Variants in CUL7 observed in about 807,000 individuals in gnomAD.
CUL7 encodes the protein cullin-7.
In CUL7, 96 loss-of-function variants were observed where a neutral mutation model predicts 177.7. The ratio of observed to expected loss-of-function variants is 0.54; its 90% CI spans 0.46 to 0.64. The LOEUF is 0.64. Among genes scored for constraint, CUL7 ranks in the 30% least tolerant of loss-of-function variants. The pLI is 0.00. For missense variants in CUL7, 1,893 were observed against 2,187.9 expected, an observed-to-expected ratio of 0.87 and a Z score of 2.69; for synonymous variants, 824 against 890.2, an observed-to-expected ratio of 0.93 and a Z score of 1.32.
rs775277088 is a variant in CUL7, at chr6:43,046,524, T to A, written c.2475A>T (p.Arg825Ser). The change falls in exon 11 of 26, where the codon AGA (arginine) becomes AGT (serine). Residue 825 changes from arginine (R) to serine (S), a missense_variant. Arg to Ser is a moderately radical substitution (Grantham distance 110). Around this residue, in one of 5 missense-constraint regions of CUL7, gnomAD observed 973 missense variants for 1,140.9 expected, o/e 0.85. Coordinates refer to ENST00000265348, the MANE Select transcript of CUL7 (RefSeq NM_014780.5). ...ACAGGCACGAACCCTGGCACAGGTA[T>A]CTGAGGAACACATCAAAGAAAGGGA... ...INIPFFDVFL[R>S]YLCQGSSVEV... 2.2e-5 allele frequency: 36 copies of A among 1,613,958 alleles called. No homozygotes were observed. Among genetic ancestry groups the A allele is most frequent in the Non-Finnish European group, 3.0e-5 (35 of 1,179,852 alleles).
chr6:43,044,800 A>T lies in CUL7; in HGVS notation c.3124T>A (p.Cys1042Ser). ...ACGGGGCTGACCAGGGCCTCCCAGCAGGTCTTGCCCAGAGCTTGGGCAGCC... is the reference window on the plus strand; with the variant it reads ...ACGGGGCTGACCAGGGCCTCCCAGCTGGTCTTGCCCAGAGCTTGGGCAGCC... ...DEAAQALGKT[C>S]WEALVSPVVQ... is the part of the protein sequence containing the mutation. Residue 1042 changes from cysteine (C) to serine (S), a missense_variant, in exon 16 of 26, where the codon TGC becomes AGC. Around this residue, in one of 5 missense-constraint regions of CUL7, gnomAD observed 973 missense variants for 1,140.9 expected, o/e 0.85. Coordinates refer to ENST00000265348, the MANE Select transcript of CUL7 (RefSeq NM_014780.5). The T allele has an allele frequency of 6.2e-7, 1 of 1,613,706 alleles. No individual in the cohort carries two copies. Among genetic ancestry groups the T allele is most frequent in the Non-Finnish European group, 8.5e-7 (1 of 1,179,622 alleles).
At chr6:43,049,934 AC>A in intron 6 of CUL7, 28 bp downstream of exon 6, 1 of 1,601,078 alleles carries the variant, frequency 6.2e-7, no homozygotes, top group East Asian at 2.2e-5. Context: ...GAGCCCTCCA[AC>A]CTCTGAGTGT....
In CUL7 at chr6:43,040,692, G is replaced by A. The variant is rs745678508; in HGVS notation, c.3861C>T (p.Ala1287=). ...AGCAGGGACCGATCTGCTCCAGCAC[G>A]GCCCCCTCCAGCCAGCTCGAGACCA... ...LGVVSSWLEG[A]VLEQIGPCFP... is the part of the protein sequence containing the mutation. The change falls in exon 21 of 26, where the codon GCC becomes GCT. Residue 1287 remains alanine (A), a synonymous_variant. Transcript: ENST00000265348. The surrounding 1 kb of genome is among the most constrained non-coding windows in gnomAD (Gnocchi z 4.2). 9.9e-6 allele frequency: 16 copies of A among 1,614,044 alleles called. No individual in the cohort carries two copies. The highest frequency in any genetic ancestry group is 6.7e-5 in the African/African-American group (5 of 74,934).
In CUL7 at chr6:43,052,828, G is replaced by T; in HGVS notation, c.-8-32C>A. The T allele has an allele frequency of 6.3e-7, 1 of 1,590,140 alleles. No individual in the cohort carries two copies. The highest frequency in any genetic ancestry group is 8.5e-7 in the Non-Finnish European group (1 of 1,173,808). ...CACACAAGGAAAAGAGAACAGACAA[G>T]CTAGAGGAAGGAGAGGTCAGAAAAT... On this transcript the variant is annotated intron_variant, in intron 1 of 25. Coordinates refer to ENST00000265348, the MANE Select transcript of CUL7 (RefSeq NM_014780.5). The surrounding 1 kb of genome is among the most constrained non-coding windows in gnomAD (Gnocchi z 4.5).
rs1393985637 is a variant in CUL7 at position 43,053,669 on chromosome 6, C to CAAG, written c.-59_-57dup. The CAAG allele has an allele frequency of 7.1e-7, 1 of 1,407,936 alleles. No individual in the cohort carries two copies. Among genetic ancestry groups the CAAG allele is most frequent in the African/African-American group, 1.5e-5 (1 of 66,284 alleles). The allele number at this position is 1,407,936 out of a possible 1,614,324, so 87.2% of individuals were successfully genotyped here. ...GGCGCGAGGCCTGTCCTTCACAGAG[C>CAAG]AAGGGACGCGGCACAGACGCTGGCG... On this transcript the variant is annotated 5_prime_UTR_variant, in exon 1 of 26. Coordinates refer to ENST00000265348, the MANE Select transcript of CUL7 (RefSeq NM_014780.5). The surrounding 1 kb of genome is among the most constrained non-coding windows in gnomAD (Gnocchi z 4.1).
At position 43,053,038 on chromosome 6, in the gene CUL7, G is replaced by A. The variant is rs950885004; in HGVS notation, c.-8-242C>T. Among the ~76,000 whole-genome samples, 2 of 152,174 alleles carry A rather than the reference G, an allele frequency of 1.3e-5. No individual in the cohort carries two copies. Among genetic ancestry groups the A allele is most frequent in the African/African-American group, 4.8e-5 (2 of 41,426 alleles). The stretch of plus-strand genomic sequence containing the variant: ...AAAGGAAGGTCCCCAAGACCCTGTG[G>A]CCTGGAGTGGGTTGATATGGAACAG... On this transcript the variant is annotated intron_variant, in intron 1 of 25. Coordinates refer to ENST00000265348, the MANE Select transcript of CUL7 (RefSeq NM_014780.5). The surrounding 1 kb of genome is among the most constrained non-coding windows in gnomAD (Gnocchi z 4.1).
In CUL7 at chr6:43,052,801, A is replaced by C; in HGVS notation, c.-8-5T>G. ...GTTCTCCCACCATCCTGGCACCTGGAGCACACAAGGAAAAGAGAACAGACA... is the reference window on the plus strand; with the variant it reads ...GTTCTCCCACCATCCTGGCACCTGGCGCACACAAGGAAAAGAGAACAGACA... On this transcript the variant is annotated splice_polypyrimidine_tract_variant and splice_region_variant and intron_variant, in intron 1 of 25. Coordinates refer to ENST00000265348, the MANE Select transcript of CUL7 (RefSeq NM_014780.5). This position sits in a 1 kb window ranked among gnomAD's most constrained non-coding sequence, Gnocchi z 4.5. 2 of 1,601,510 alleles carry C rather than the reference A, an allele frequency of 1.2e-6. No individual in the cohort carries two copies. The highest frequency in any genetic ancestry group is 1.7e-6 in the Non-Finnish European group (2 of 1,179,720).
Position 43,043,222 on chromosome 6 carries a change from C to T in CUL7, c.3356-42G>A. On this transcript the variant is annotated intron_variant, in intron 17 of 25. Coordinates refer to ENST00000265348, the MANE Select transcript of CUL7 (RefSeq NM_014780.5). This position sits in a 1 kb window ranked among gnomAD's most constrained non-coding sequence, Gnocchi z 4.2. ...AGTGGCAGAGGCAAGGAGGGTGCAG[C>T]CCCTCCACTCCCAAGTCCCCATCCA... is the stretch of plus-strand genomic sequence containing the variant. The T allele has an allele frequency of 6.7e-7, 1 of 1,492,234 alleles. No individual in the cohort carries two copies. Among genetic ancestry groups the T allele is most frequent in the Non-Finnish European group, 9.3e-7 (1 of 1,073,700 alleles). The allele number at this position is 1,492,234 out of a possible 1,614,324, so 92.4% of individuals were successfully genotyped here. A position where few individuals can be genotyped will look rare whatever the true frequency, so the allele number is the denominator to read the frequency against.
At chr6:43,047,488 C>T (rs1764017977) in intron 9 of CUL7, among the ~76,000 whole-genome samples, 1 of 152,128 alleles carries the variant, frequency 6.6e-6, no homozygotes, top group Non-Finnish European at 1.5e-5. Flanking sequence ...AAGGGGCTGA[C>T]AGGGACTGGG....
chr6:43,050,512 A>G lies in CUL7; in HGVS notation c.1234-114T>C, dbSNP rs890581637. On this transcript the variant is annotated intron_variant, in intron 4 of 25. Transcript: ENST00000265348. The surrounding 1 kb of genome is among the most constrained non-coding windows in gnomAD (Gnocchi z 4.1). ...GGTGACCACCTGGCCAGGTTTTAGA[A>G]AAACCTCCACATAACAAAACAGCAG... 2 of 1,050,922 alleles carry G rather than the reference A, an allele frequency of 1.9e-6. No individual in the cohort carries two copies. Among genetic ancestry groups the G allele is most frequent in the Admixed American group, 3.9e-5 (2 of 51,666 alleles). The allele number at this position is 1,050,922 out of a possible 1,614,324, so 65.1% of individuals were successfully genotyped here. A position where few individuals can be genotyped will look rare whatever the true frequency, so the allele number is the denominator to read the frequency against.
Position 43,051,745 on chromosome 6 carries a change from A to G in CUL7, c.599T>C (p.Leu200Pro). 6.2e-7 allele frequency: 1 copy of G among 1,614,182 alleles called. No individual in the cohort carries two copies. The highest frequency in any genetic ancestry group is 8.5e-7 in the Non-Finnish European group (1 of 1,180,026). The change falls in exon 3 of 26, where the codon CTT becomes CCT. Residue 200 changes from leucine (L) to proline (P), a missense_variant. By Grantham distance (98) the Leu-to-Pro change is moderately conservative. Around this residue, in one of 5 missense-constraint regions of CUL7, gnomAD observed 653 missense variants for 725.2 expected, o/e 0.90. Transcript: ENST00000265348. This position sits in a 1 kb window ranked among gnomAD's most constrained non-coding sequence, Gnocchi z 5.0. ...SHDAGTRTQILLSLSQQEAIE... is the reference protein window; with the variant it reads ...SHDAGTRTQIPLSLSQQEAIE... ...GGCTTCTTGTTGGCTCAGTGACAGA[A>G]GGATCTGAGTCCGGGTCCCTGTAAC...
In CUL7 at chr6:43,052,100, A is replaced by C; in HGVS notation, c.580+109T>G. On this transcript the variant is annotated intron_variant, in intron 2 of 25. Coordinates refer to ENST00000265348, the MANE Select transcript of CUL7 (RefSeq NM_014780.5). This position sits in a 1 kb window ranked among gnomAD's most constrained non-coding sequence, Gnocchi z 4.5. ...CCAACTCTAAGAGAAGGGCAACAGA[A>C]TCATTTACGTACTGATGAGATCAGA... 6.5e-7 allele frequency: 1 copy of C among 1,542,826 alleles called. No homozygotes were observed. The highest frequency in any genetic ancestry group is 8.8e-7 in the Non-Finnish European group (1 of 1,142,400).
Position 43,052,637 on chromosome 6 carries a change from C to T in CUL7, c.152G>A (p.Gly51Glu). Reference protein sequence around the residue: ...RWLILRRGDEGDGGSGQVDCK... With the variant: ...RWLILRRGDEEDGGSGQVDCK... ...GTCCACTTGGCCAGAGCCCCCGTCC[C>T]CCTCATCGCCACGCCGCAGGATGAG... is the stretch of plus-strand genomic sequence containing the variant. The change falls in exon 2 of 26, where the codon GGG becomes GAG. Residue 51 changes from glycine (G) to glutamate (E), a missense_variant. Coordinates refer to ENST00000265348, the MANE Select transcript of CUL7 (RefSeq NM_014780.5). The surrounding 1 kb of genome is among the most constrained non-coding windows in gnomAD (Gnocchi z 4.5). The T allele has an allele frequency of 6.2e-7, 1 of 1,614,234 alleles. No individual in the cohort carries two copies. The highest frequency in any genetic ancestry group is 8.5e-7 in the Non-Finnish European group (1 of 1,180,054).
intron 7 of CUL7, among the ~76,000 whole-genome samples, chr6:43,048,930 T>A (rs1764167070): frequency 6.6e-6 from 1 of 151,642 alleles, no homozygotes; most frequent in Non-Finnish European, 1.5e-5. Context: ...CACGCCCGGC[T>A]AATTTTTTTT....
At chr6:43,039,952 CTGGTCT>C (rs1376338141) in intron 22 of CUL7, among the ~76,000 whole-genome samples, 198 bp downstream of exon 22, 1 of 152,084 alleles carries the variant, frequency 6.6e-6, no homozygotes, top group Non-Finnish European at 1.5e-5. Flanking sequence ...TTGGCCAAGG[CTGGTCT>C]TGAACTCCTG....
In CUL7 at chr6:43,038,571, G is replaced by C. The variant is rs920638179; in HGVS notation, c.4562C>G (p.Pro1521Arg). 3.7e-6 allele frequency: 6 copies of C among 1,614,032 alleles called. No homozygotes were observed. In the Admixed American group the frequency reaches 5.0e-5, roughly 13 times the overall value. The change falls in exon 24 of 26, where the codon CCA becomes CGA. Residue 1521 changes from proline to arginine, a missense_variant. Pro to Arg is a moderately radical substitution (Grantham distance 103). Coordinates refer to ENST00000265348, the MANE Select transcript of CUL7 (RefSeq NM_014780.5). ...PLDLHEQKDI[P>R]GGVLKIRDGS... ...CTCTGGCCCTAAGTGCATACCTCCTGGTATATCCTTTTGCTCGTGAAGGTC... is the reference window on the plus strand; with the variant it reads ...CTCTGGCCCTAAGTGCATACCTCCTCGTATATCCTTTTGCTCGTGAAGGTC...
chr6:43,045,687 C>T lies in CUL7; in HGVS notation c.2767-5G>A, dbSNP rs1763841085. 1 of 1,614,158 alleles carries T rather than the reference C, an allele frequency of 6.2e-7. No individual in the cohort carries two copies. Among genetic ancestry groups the T allele is most frequent in the Non-Finnish European group, 8.5e-7 (1 of 1,179,998 alleles). Reference sequence around the variant, plus strand: ...GGCAGAGGGCATCACATTCACCTGGCAGGGGGCAGAGAAAGCTGTCACCTC... The same window carrying T: ...GGCAGAGGGCATCACATTCACCTGGTAGGGGGCAGAGAAAGCTGTCACCTC... On this transcript the variant is annotated splice_region_variant and splice_polypyrimidine_tract_variant and intron_variant, in intron 13 of 25. Transcript: ENST00000265348. The surrounding 1 kb of genome is among the most constrained non-coding windows in gnomAD (Gnocchi z 4.8).
chr6:43,048,676 T>C (rs1266193606), intron 7 of CUL7, 107 bp from the exon 8 acceptor site: 3 of 788,496 alleles, frequency 3.8e-6, no homozygotes, highest in African/African-American at 1.8e-5. Flanking sequence ...CTAAAAAATG[T>C]TTTAAATTTT....
Position 43,045,837 on chromosome 6 carries a change from TG to T in CUL7, c.2766+148del. ...CATGCCACCCTCATTGTTCAGGGCC[TG>T]GTGGCACAAGCACAGGGATAAAGGA... On this transcript the variant is annotated intron_variant, in intron 13 of 25. Coordinates refer to ENST00000265348, the MANE Select transcript of CUL7 (RefSeq NM_014780.5). The surrounding 1 kb of genome is among the most constrained non-coding windows in gnomAD (Gnocchi z 4.8). 1.9e-6 allele frequency: 2 copies of T among 1,077,724 alleles called. No homozygotes were observed. The highest frequency in any genetic ancestry group is 2.8e-6 in the Non-Finnish European group (2 of 713,506). The allele number at this position is 1,077,724 out of a possible 1,614,324, so 66.8% of individuals were successfully genotyped here.
Sources: allele counts gnomAD v4.1 joint callset (sites outside exome capture counted in the v4.1 genomes callset), GRCh38; gene constraint gnomAD v4.1.1; regional missense constraint gnomAD v4.1.1; non-coding constraint Gnocchi (gnomAD v3.1); transcripts MANE v1.5; gene names NCBI Gene and HGNC (gene_info 2026-07-23, HGNC 2026-07-21).